Variants in PKM observed in about 807,000 individuals in gnomAD.
The protein encoded by PKM is pyruvate kinase M1/2, also known as pyruvate kinase PKM.
PKM carries 18 observed loss-of-function variants against 49.8 expected under a neutral mutation model. The observed-to-expected ratio is 0.36, with a 90% CI of 0.25 to 0.54. PKM has a LOEUF of 0.54. Ranked by LOEUF, PKM falls within the 20% of genes least tolerant of loss-of-function variation. The pLI is 0.89. For synonymous variants in PKM, 239 were observed against 261.8 expected (o/e 0.91, Z 0.84); for missense variants, 508 against 713.8 (o/e 0.71, Z 3.28).
In PKM at chr15:72,208,800, A is replaced by C; in HGVS notation, c.657T>G (p.Pro219=). 6.2e-7 allele frequency: 1 copy of C among 1,614,118 alleles called. No homozygotes were observed. The highest frequency in any genetic ancestry group is 8.5e-7 in the Non-Finnish European group (1 of 1,180,014). Residue 219 remains proline (P), a synonymous_variant, in exon 6 of 11, where the codon CCT becomes CCG. Coordinates refer to ENST00000335181, the MANE Select transcript of PKM (RefSeq NM_002654.6). ...VNLPGAAVDL[P]AVSEKDIQDL... The stretch of plus-strand genomic sequence containing the variant: ...CCTGGATGTCCTTCTCCGACACAGC[A>C]GGCAAGTCCACAGCAGCCCCAGGAA...
intron 1 of PKM, among the ~76,000 whole-genome samples, chr15:72,224,984 C>T (rs1366551765): frequency 2.8e-5 from 4 of 141,678 alleles, no homozygotes; most frequent in Admixed American, 7.2e-5. Flanking sequence ...TGCACTGGCG[C>T]GATCTCAGCT....
At chr15:72,230,629 G>A (rs565477821) in intron 1 of PKM, among the ~76,000 whole-genome samples, 1 of 152,308 alleles carries the variant, frequency 6.6e-6, no homozygotes, top group South Asian at 2.1e-4. Context: ...CCAGAACGCA[G>A]TTTCAATGAG....
At chr15:72,230,814 G>A in intron 1 of PKM, 2 of 594,874 alleles carry the variant, frequency 3.4e-6, no homozygotes, top group East Asian at 7.5e-5. Context: ...GAGGATGGAG[G>A]CGCATTGAGG....
At chr15:72,224,644 C>T (rs2082612540) in intron 1 of PKM, among the ~76,000 whole-genome samples, 1 of 152,102 alleles carries the variant, frequency 6.6e-6, no homozygotes, top group Admixed American at 6.5e-5. Flanking sequence ...GGGCAGATCA[C>T]TTGAGGCTAA....
chr15:72,207,388 A>G, intron 6 of PKM, 111 bp from the exon 7 acceptor site: 1 of 956,520 alleles, frequency 1.0e-6, no homozygotes, highest in Non-Finnish European at 1.7e-6. Context: ...TTGTACCAGG[A>G]CAGACATCCA....
At position 72,226,609 on chromosome 15, in the gene PKM, T is replaced by C. The variant is rs145084712; in HGVS notation, c.-14+4507A>G. Among the ~76,000 whole-genome samples, 86 of 152,338 alleles carry C rather than the reference T, an allele frequency of 5.6e-4. No homozygotes were observed. The East Asian group carries it at 9.6e-3, about 17-fold the overall frequency. On this transcript the variant is annotated intron_variant, in intron 1 of 10. Coordinates refer to ENST00000335181, the MANE Select transcript of PKM (RefSeq NM_002654.6). The stretch of plus-strand genomic sequence containing the variant: ...GTAAACTGAAGATGTTTGGAAGGGA[T>C]AGGACTCCCTTCAGAGAATCTTGAC...
At position 72,202,965 on chromosome 15, in the gene PKM, G is replaced by A. The variant is rs951289641; in HGVS notation, c.1141-345C>T. ...TTGGGCCTGGCTGTCTTCTCCTAGA[G>A]CAGGTGGAGCAAGAGGCTGGTTATC... On this transcript the variant is annotated intron_variant, in intron 8 of 10. Transcript: ENST00000335181. This position sits in a 1 kb window ranked among gnomAD's most constrained non-coding sequence, Gnocchi z 4.5. 1 of 1,548,356 alleles carries A rather than the reference G, an allele frequency of 6.5e-7. No individual in the cohort carries two copies. Among genetic ancestry groups the A allele is most frequent in the South Asian group, 1.1e-5 (1 of 89,748 alleles).
intron 7 of PKM, 76 bp from the exon 8 acceptor site, chr15:72,206,956 G>A: frequency 6.4e-7 from 1 of 1,557,154 alleles, no homozygotes; most frequent in South Asian, 1.1e-5. Flanking sequence ...CTGATCCTCT[G>A]GATAGTGAGT....
intron 1 of PKM, among the ~76,000 whole-genome samples, chr15:72,223,932 AAAT>A: frequency 1.4e-5 from 2 of 145,896 alleles, no homozygotes; most frequent in East Asian, 2.2e-4. Flanking sequence ...AAAAAAAAAA[AAAT>A]CTTGGCTCTT....
At position 72,206,991 on chromosome 15, in the gene PKM, T is replaced by C. The variant is rs1282187751; in HGVS notation, c.988-111A>G. ...TAGGTACACAGAGTATGGCTTTGTG[T>C]AGGTACATGGGGGAAGGGGATTATC... On this transcript the variant is annotated intron_variant, in intron 7 of 10. Coordinates refer to ENST00000335181, the MANE Select transcript of PKM (RefSeq NM_002654.6). The C allele has an allele frequency of 4.0e-6, 6 of 1,483,322 alleles. No homozygotes were observed. The African/African-American group carries it at 5.5e-5, about 14-fold the overall frequency. 91.9% of individuals were successfully genotyped at this position (1,483,322 alleles called of 1,614,324 possible).
intron 6 of PKM, among the ~76,000 whole-genome samples, chr15:72,207,729 C>T (rs1346624665): frequency 6.6e-6 from 1 of 152,248 alleles, no homozygotes; most frequent in Non-Finnish European, 1.5e-5. Flanking sequence ...CCCACTCCAA[C>T]CTGCTGAAGG....
At chr15:72,213,082 A>G (rs1434996586) in intron 3 of PKM, among the ~76,000 whole-genome samples, 1 of 152,278 alleles carries the variant, frequency 6.6e-6, no homozygotes, top group South Asian at 2.1e-4. Flanking sequence ...CTCAGAAGAA[A>G]AAAAAAAAAA....
rs1052073977 is a variant in PKM at position 72,218,851 on chromosome 15, C to G, written c.154+93G>C. The G allele has an allele frequency of 2.0e-5, 26 of 1,309,172 alleles. No individual in the cohort carries two copies. In the African/African-American group the frequency reaches 3.8e-4, roughly 19 times the overall value. 81.1% of individuals were successfully genotyped at this position (1,309,172 alleles called of 1,614,324 possible). The stretch of plus-strand genomic sequence containing the variant: ...ATCTGTGTAGTATCCCATGTAGCAC[C>G]TAGGTTTGTTAGGACATTTAGTTAC... On this transcript the variant is annotated intron_variant, in intron 2 of 10. Coordinates refer to ENST00000335181, the MANE Select transcript of PKM (RefSeq NM_002654.6).
In PKM at chr15:72,202,911, G is replaced by T; in HGVS notation, c.1141-291C>A. 1 of 1,150,380 alleles carries T rather than the reference G, an allele frequency of 8.7e-7. No homozygotes were observed. Among genetic ancestry groups the T allele is most frequent in the Non-Finnish European group, 1.3e-6 (1 of 770,810 alleles). The allele number at this position is 1,150,380 out of a possible 1,614,324, so 71.3% of individuals were successfully genotyped here. On this transcript the variant is annotated intron_variant, in intron 8 of 10. Transcript: ENST00000335181. The surrounding 1 kb of genome is among the most constrained non-coding windows in gnomAD (Gnocchi z 4.5). ...CCTCCCTGGCGGTGTTCCTACAGAC[G>T]AGAAGAGGCTCTGTGCCCAGATGCC...
At chr15:72,214,884 T>C (rs1216570179) in intron 3 of PKM, among the ~76,000 whole-genome samples, 1 of 152,124 alleles carries the variant, frequency 6.6e-6, no homozygotes, top group Non-Finnish European at 1.5e-5. Context: ...CCATGTGAAC[T>C]GCCAAAAGTG....
intron 3 of PKM, among the ~76,000 whole-genome samples, chr15:72,215,304 A>C (rs895685483): frequency 1.3e-5 from 2 of 152,216 alleles, no homozygotes; most frequent in Non-Finnish European, 2.9e-5. Flanking sequence ...AAGAGCATTT[A>C]AAATAGTCAG....
rs1376868567 is a variant in PKM, at chr15:72,209,661, T to A, written c.565+12A>T. 3 of 1,610,746 alleles carry A rather than the reference T, an allele frequency of 1.9e-6. No individual in the cohort carries two copies. Among genetic ancestry groups the A allele is most frequent in the Non-Finnish European group, 2.5e-6 (3 of 1,178,090 alleles). On this transcript the variant is annotated intron_variant, in intron 5 of 10. Transcript: ENST00000335181. ...CTGTTTTAGACAACTGGACTCCAGC[T>A]CCCATACGTACCTTTCTGCTTCACC...
chr15:72,226,189 A>T (rs949263603), intron 1 of PKM, among the ~76,000 whole-genome samples: 1 of 152,228 alleles, frequency 6.6e-6, no homozygotes, highest in Non-Finnish European at 1.5e-5. Flanking sequence ...ACTGATGGGC[A>T]GTTCTTTTTC....
rs1480526353 is a variant in PKM, at chr15:72,200,108, A to G, written c.1490-352T>C. 6.6e-6 allele frequency among the ~76,000 whole-genome samples: 1 copy of G among 151,986 alleles called. No individual in the cohort carries two copies. Among genetic ancestry groups the G allele is most frequent in the Non-Finnish European group, 1.5e-5 (1 of 67,984 alleles). ...TAATCTGTGTATGCCACCCCACAGC[A>G]CAGGAGCTGTGGCCAATTTTATTTA... On this transcript the variant is annotated intron_variant, in intron 10 of 10. Transcript: ENST00000335181. This position sits in a 1 kb window ranked among gnomAD's most constrained non-coding sequence, Gnocchi z 4.6.
Sources: gnomAD v4.1 joint callset for allele counts (sites outside exome capture counted in the v4.1 genomes callset) on GRCh38, gnomAD v4.1.1 for gene constraint, Gnocchi (gnomAD v3.1) non-coding constraint, MANE v1.5 for transcripts, NCBI Gene and HGNC (gene_info 2026-07-23, HGNC 2026-07-21) for gene names.